PAPPA2: variants seen among roughly 807,000 people sequenced by gnomAD.
The protein encoded by PAPPA2 is pappalysin-2.
A neutral mutation model predicts 176.4 loss-of-function variants in PAPPA2; 86 were observed. That is an observed-to-expected ratio of 0.49 (90% CI 0.41 to 0.58). PAPPA2 has a LOEUF of 0.58. PAPPA2 is among the 20% of genes least tolerant of loss of function. The probability of loss-of-function intolerance (pLI) is 0.00; values close to 1 mark genes in which losing one functional copy is unlikely to be tolerated. For missense variants in PAPPA2, 2,073 were observed against 2,256.9 expected (o/e 0.92, Z 1.65); for synonymous variants, 809 against 852.2 (o/e 0.95, Z 0.88).
intron 3 of PAPPA2, among the ~76,000 whole-genome samples, chr1:176,655,850 G>A (rs1365869987): frequency 6.6e-6 from 1 of 151,742 alleles, no homozygotes; most frequent in African/African-American, 2.4e-5. Flanking sequence ...GAAATAAAAA[G>A]TAAAAATTTC....
intron 1 of PAPPA2, among the ~76,000 whole-genome samples, chr1:176,489,533 C>T (rs1017104119): frequency 6.6e-6 from 1 of 152,184 alleles, no homozygotes; most frequent in Non-Finnish European, 1.5e-5. Context: ...TGCCTGAAAT[C>T]TGCAGCAGCT....
chr1:176,511,664 T>C (rs960566249), intron 1 of PAPPA2, among the ~76,000 whole-genome samples: 19 of 152,146 alleles, frequency 1.2e-4, no homozygotes, highest in Non-Finnish European at 2.5e-4. Flanking sequence ...CCCTGACCAA[T>C]GTGAGTAGGC....
chr1:176,687,064 A>G (rs182701306), intron 4 of PAPPA2, among the ~76,000 whole-genome samples: 36 of 152,202 alleles, frequency 2.4e-4, no homozygotes, highest in African/African-American at 8.4e-4. Context: ...ATTTTGTTCT[A>G]TATTTTCTAT....
At chr1:176,564,684 G>A (rs1651856229) in intron 2 of PAPPA2, among the ~76,000 whole-genome samples, 1 of 150,736 alleles carries the variant, frequency 6.6e-6, no homozygotes, top group South Asian at 2.1e-4. Context: ...CTTGGTATGA[G>A]CATTCCAGGC....
intron 14 of PAPPA2, among the ~76,000 whole-genome samples, chr1:176,762,311 CCT>C (rs1663738701): frequency 6.6e-6 from 1 of 151,562 alleles, no homozygotes; most frequent in Non-Finnish European, 1.5e-5. Context: ...CATATTCTCC[CCT>C]GTCTCATTCT....
At chr1:176,761,505 A>G (rs1483989200) in intron 14 of PAPPA2, among the ~76,000 whole-genome samples, 1 of 152,240 alleles carries the variant, frequency 6.6e-6, no homozygotes, top group African/African-American at 2.4e-5. Context: ...CTGGACAAAT[A>G]TCATCACTTT....
chr1:176,611,756 C>A (rs548883180), intron 3 of PAPPA2, among the ~76,000 whole-genome samples: 1 of 152,240 alleles, frequency 6.6e-6, no homozygotes, highest in Non-Finnish European at 1.5e-5. Flanking sequence ...TATTTCAAGG[C>A]TTTATTGTGG....
chr1:176,671,635 A>G (rs1034345873), intron 4 of PAPPA2, among the ~76,000 whole-genome samples: 2 of 152,134 alleles, frequency 1.3e-5, no homozygotes, highest in African/African-American at 4.8e-5. Flanking sequence ...AATCCTATTC[A>G]CAATAGCAAA....
intron 1 of PAPPA2, among the ~76,000 whole-genome samples, chr1:176,530,284 A>C (rs1649739843): frequency 6.6e-6 from 1 of 152,226 alleles, no homozygotes. Context: ...CCTTTGGCTA[A>C]AGTCAGGAGC....
Position 176,635,256 on chromosome 1 carries a change from T to C in PAPPA2, c.1992-35714T>C, listed in dbSNP as rs1290649797. ...TTATGAATGTAGGCAAATCAAATGTTTTCAGATACAATATTTACTGTTAAC... is the reference window on the plus strand; with the variant it reads ...TTATGAATGTAGGCAAATCAAATGTCTTCAGATACAATATTTACTGTTAAC... On this transcript the variant is annotated intron_variant, in intron 3 of 22. Transcript: ENST00000367662. 2.0e-5 allele frequency among the ~76,000 whole-genome samples: 3 copies of C among 152,196 alleles called. No individual in the cohort carries two copies. In the East Asian group the frequency reaches 5.8e-4, roughly 29 times the overall value.
chr1:176,732,098 T>C (rs961110746), intron 12 of PAPPA2, among the ~76,000 whole-genome samples: 1 of 152,250 alleles, frequency 6.6e-6, no homozygotes, highest in African/African-American at 2.4e-5. Context: ...GATTTCATAA[T>C]TTAGCAAAAA....
At chr1:176,590,354 A>T (rs533169506) in intron 2 of PAPPA2, among the ~76,000 whole-genome samples, 1 of 152,146 alleles carries the variant, frequency 6.6e-6, no homozygotes, top group African/African-American at 2.4e-5. Context: ...CTTAATATTG[A>T]CCATTGTGGG....
At chr1:176,511,304 T>C (rs1211534704) in intron 1 of PAPPA2, among the ~76,000 whole-genome samples, 1 of 152,132 alleles carries the variant, frequency 6.6e-6, no homozygotes, top group African/African-American at 2.4e-5. Context: ...AAAGCATTTG[T>C]AAAAAATATA....
chr1:176,480,918 G>A (rs181127398), intron 1 of PAPPA2, among the ~76,000 whole-genome samples: 49 of 152,052 alleles, frequency 3.2e-4, no homozygotes, highest in African/African-American at 1.1e-3. Context: ...CACCTTCAAC[G>A]CCTCTCCTGG....
chr1:176,821,222 GA>G (rs376229080), intron 21 of PAPPA2, among the ~76,000 whole-genome samples: 43 of 152,164 alleles, frequency 2.8e-4, no homozygotes, highest in African/African-American at 9.9e-4. Context: ...ACACAATAGA[GA>G]TAAAAAATAT....
At position 176,733,954 on chromosome 1, in the gene PAPPA2, A is replaced by G. The variant is rs1432950818; in HGVS notation, c.3799-5672A>G. Reference sequence around the variant, plus strand: ...TACCACTCACCCCAACCAAAAGGTTATTGGACATTGCCTGTCCACTCCACC... The same window carrying G: ...TACCACTCACCCCAACCAAAAGGTTGTTGGACATTGCCTGTCCACTCCACC... On this transcript the variant is annotated intron_variant, in intron 12 of 22. Coordinates refer to ENST00000367662, the MANE Select transcript of PAPPA2 (RefSeq NM_020318.3). 3.9e-5 allele frequency among the ~76,000 whole-genome samples: 6 copies of G among 152,096 alleles called. No individual in the cohort carries two copies. The South Asian group carries it at 6.2e-4, about 16-fold the overall frequency.
rs200808228 is a variant in PAPPA2, at chr1:176,510,810, TACACACACACACACAC to T, written c.-916-44573_-916-44558del. Among the ~76,000 whole-genome samples the T allele has an allele frequency of 2.3e-3, 286 of 126,558 alleles. 3 individuals carry two copies. The highest frequency in any genetic ancestry group is 7.6e-3 in the African/African-American group (266 of 34,854). 83.0% of individuals were successfully genotyped at this position (126,558 alleles called of 152,430 possible). ...ATATTTTAAAATTTAAAGCAACACA[TACACACACACACACAC>T]ACACACACACACACACACACACATA... On this transcript the variant is annotated intron_variant, in intron 1 of 22. Transcript: ENST00000367662.
intron 1 of PAPPA2, among the ~76,000 whole-genome samples, chr1:176,506,948 T>G (rs1166439575): frequency 6.6e-6 from 1 of 152,076 alleles, no homozygotes; most frequent in Admixed American, 6.6e-5. Flanking sequence ...GAGACCTAAT[T>G]AAACTAAAGA....
At chr1:176,690,717 T>A (rs1459986079) in intron 5 of PAPPA2, 6 of 1,222,552 alleles carry the variant, frequency 4.9e-6, no homozygotes, top group Non-Finnish European at 6.1e-6. Context: ...AAAGCCCTCT[T>A]GTGATCCCCT....
Sources: gnomAD v4.1 joint callset for allele counts (sites outside exome capture counted in the v4.1 genomes callset) on GRCh38, gnomAD v4.1.1 for gene constraint, MANE v1.5 for transcripts, NCBI Gene and HGNC (gene_info 2026-07-23, HGNC 2026-07-21) for gene names.